INSC: variants seen among roughly 807,000 people sequenced by gnomAD.
INSC encodes INSC spindle orientation adaptor protein, also known as protein inscuteable homolog.
In INSC, 67 loss-of-function variants were observed where a neutral mutation model predicts 58.6. That is an observed-to-expected ratio of 1.14 (90% CI 0.94 to 1.40). The LOEUF (loss-of-function observed/expected upper bound fraction) is 1.40, where lower values mean the gene tolerates loss of function less well. Among genes scored for constraint, INSC ranks in the 40% most tolerant of loss-of-function variants. The probability of loss-of-function intolerance (pLI) is 0.00; values close to 1 mark genes in which losing one functional copy is unlikely to be tolerated. For missense variants in INSC, 714 were observed against 692.0 expected (o/e 1.03, Z -0.36); for synonymous variants, 262 against 276.1 (o/e 0.95, Z 0.51).
Position 15,185,098 on chromosome 11 carries a change from C to T in INSC, c.580-5603C>T, listed in dbSNP as rs1849916118. ...AAAGATTGGGTAACAAATGATTCTG[C>T]AAGTCAAGGCTTTTCCAATTCTTTG... On this transcript the variant is annotated intron_variant, in intron 5 of 12. Transcript: ENST00000379556. 2.0e-5 allele frequency among the ~76,000 whole-genome samples: 3 copies of T among 152,282 alleles called. No individual in the cohort carries two copies. The South Asian group carries it at 6.2e-4, about 32-fold the overall frequency.
chr11:15,189,431 T>C (rs1381373865), intron 5 of INSC, among the ~76,000 whole-genome samples: 2 of 151,866 alleles, frequency 1.3e-5, no homozygotes, highest in South Asian at 2.1e-4. Flanking sequence ...GGAGTCTTTC[T>C]ATGTTGCCCA....
At chr11:15,184,767 G>C (rs1232518654) in intron 5 of INSC, among the ~76,000 whole-genome samples, 1 of 152,210 alleles carries the variant, frequency 6.6e-6, no homozygotes, top group African/African-American at 2.4e-5. Flanking sequence ...TGATTGGGTT[G>C]ACTGAAAGCA....
chr11:15,112,777 A>G (rs1306618410), upstream of INSC, among the ~76,000 whole-genome samples: 1 of 152,150 alleles, frequency 6.6e-6, no homozygotes, highest in Non-Finnish European at 1.5e-5. Flanking sequence ...TTTTTTGCTA[A>G]CATCGATCTG....
intron 5 of INSC, among the ~76,000 whole-genome samples, chr11:15,187,382 G>C (rs898776203): frequency 6.6e-6 from 1 of 151,820 alleles, no homozygotes; most frequent in Non-Finnish European, 1.5e-5. Context: ...TTAATCTACT[G>C]CATCCTGTCA....
chr11:15,118,133 G>A (rs1029961593), intron 1 of INSC, among the ~76,000 whole-genome samples: 1 of 152,172 alleles, frequency 6.6e-6, no homozygotes, highest in Admixed American at 6.5e-5. Flanking sequence ...ATCAGGGATG[G>A]CCCTTGTGGA....
chr11:15,259,460 A>G, the INSC span, among the ~76,000 whole-genome samples: 1 of 152,238 alleles, frequency 6.6e-6, no homozygotes, highest in South Asian at 2.1e-4. Context: ...ACAAAATAAT[A>G]AAATGTTTCT....
At chr11:15,226,595 A>G (rs1376773507) in intron 9 of INSC, among the ~76,000 whole-genome samples, 2 of 152,054 alleles carry the variant, frequency 1.3e-5, no homozygotes, top group Admixed American at 1.3e-4. Flanking sequence ...CCTGAGCTCT[A>G]AGTTACATGA....
chr11:15,200,872 C>A lies in INSC; in HGVS notation c.742C>A (p.Arg248=), dbSNP rs201061980. Residue 248 remains arginine (R), a synonymous_variant, in exon 7 of 13, where the codon CGG becomes AGG. Coordinates refer to ENST00000379556, the MANE Select transcript of INSC (RefSeq NM_001042536.3). The part of the protein sequence containing the change: ...LFKVCRQDSF[R]CLYPQALRTL... ...CAAGGTTTGCCGGCAGGACAGTTTC[C>A]GGTGCTTGTACCCCCAGGCGCTCCG... The A allele has an allele frequency of 7.4e-6, 12 of 1,613,988 alleles. No homozygotes were observed. The highest frequency in any genetic ancestry group is 1.0e-5 in the Non-Finnish European group (12 of 1,180,012).
chr11:15,112,920 A>G (rs73412759), upstream of INSC, among the ~76,000 whole-genome samples: 11,429 of 152,044 alleles, frequency 0.075, 488 homozygotes, highest in African/African-American at 0.12. Context: ...ATGTTCCCCA[A>G]TGTACATATG....
chr11:15,184,380 A>G (rs1470527227), intron 5 of INSC: 6 of 192,058 alleles, frequency 3.1e-5, no homozygotes, highest in Non-Finnish European at 6.5e-5. Flanking sequence ...CTTGAAATAC[A>G]TATAGAAATA....
intron 12 of INSC, among the ~76,000 whole-genome samples, chr11:15,240,821 A>G (rs901418833): frequency 3.9e-5 from 6 of 152,170 alleles, no homozygotes; most frequent in Admixed American, 2.6e-4. Flanking sequence ...GTGGAACGCT[A>G]GCTGGTCGTG....
At chr11:15,193,023 G>A (rs4756798) in intron 6 of INSC, among the ~76,000 whole-genome samples, 35,162 of 152,182 alleles carry the variant, frequency 0.23, 5,328 homozygotes, top group Non-Finnish European at 0.34. Flanking sequence ...GAGGAACAGA[G>A]AGATTAAATA....
chr11:15,198,091 C>T (rs970801856), intron 6 of INSC, among the ~76,000 whole-genome samples: 3 of 152,162 alleles, frequency 2.0e-5, no homozygotes, highest in Non-Finnish European at 2.9e-5. Flanking sequence ...TCTCTCCTCT[C>T]ACATATCCTA....
intron 6 of INSC, among the ~76,000 whole-genome samples, chr11:15,193,063 T>G (rs774066681): frequency 3.9e-5 from 6 of 152,254 alleles, no homozygotes; most frequent in Non-Finnish European, 5.9e-5. Context: ...ACTATCAAGT[T>G]GAATTGCAGG....
At chr11:15,252,514 G>T in the INSC span, among the ~76,000 whole-genome samples, 1 of 152,312 alleles carries the variant, frequency 6.6e-6, no homozygotes, top group Non-Finnish European at 1.5e-5. Flanking sequence ...GTAGTGGGAG[G>T]CCTCAGTTCC....
chr11:15,249,013 G>T (rs557440489), downstream of INSC, among the ~76,000 whole-genome samples: 6 of 152,246 alleles, frequency 3.9e-5, no homozygotes, highest in Non-Finnish European at 7.4e-5. Flanking sequence ...GGGCTTATCC[G>T]GTGGGAGCCA....
intron 5 of INSC, among the ~76,000 whole-genome samples, chr11:15,185,824 GGAAATTA>G (rs1348791415): frequency 6.6e-6 from 1 of 151,996 alleles, no homozygotes; most frequent in East Asian, 1.9e-4. Context: ...GCAATTTTCT[GGAAATTA>G]CATTCTTTCC....
At chr11:15,192,031 A>T (rs566360907) in intron 6 of INSC, among the ~76,000 whole-genome samples, 2 of 152,366 alleles carry the variant, frequency 1.3e-5, no homozygotes, top group East Asian at 3.9e-4. Flanking sequence ...GATTTGCTCA[A>T]GGAATACAAG....
chr11:15,257,710 A>G, the INSC span, among the ~76,000 whole-genome samples: 3 of 152,308 alleles, frequency 2.0e-5, no homozygotes, highest in Non-Finnish European at 4.4e-5. Context: ...ATAGAGACAC[A>G]TGCACAGGGA....
Sources: gnomAD v4.1 joint callset for allele counts (sites outside exome capture counted in the v4.1 genomes callset) on GRCh38, gnomAD v4.1.1 for gene constraint, MANE v1.5 for transcripts, NCBI Gene and HGNC (gene_info 2026-07-23, HGNC 2026-07-21) for gene names.